The following SLC35A3 variants were observed in gnomAD, a reference collection of about 807,000 sequenced individuals.
SLC35A3 encodes UDP-N-acetylglucosamine transporter.
A neutral mutation model predicts 39.0 loss-of-function variants in SLC35A3; 26 were observed. The observed-to-expected ratio is 0.67, with a 90% CI of 0.49 to 0.92. SLC35A3 has a LOEUF of 0.92. Among genes scored for constraint, SLC35A3 ranks in the 40% least tolerant of loss-of-function variants. The pLI, the probability that SLC35A3 is intolerant of heterozygous loss-of-function variation, is 0.00. For synonymous variants in SLC35A3, 135 were observed against 133.1 expected (o/e 1.01, Z -0.10); for missense variants, 299 against 371.6 (o/e 0.80, Z 1.61).
At chr1:99,986,265 A>G (rs1028678307) in intron 1 of SLC35A3, among the ~76,000 whole-genome samples, 1 of 151,082 alleles carries the variant, frequency 6.6e-6, no homozygotes, top group East Asian at 2.0e-4. Flanking sequence ...CCCGAGCTCA[A>G]GTGATCCTCT....
chr1:99,970,460 G>A, intron 1 of SLC35A3: 1 of 976,408 alleles, frequency 1.0e-6, no homozygotes, highest in South Asian at 1.4e-5. Context: ...GGCAGTGTGT[G>A]CCTCAGCGCC....
At chr1:100,008,698 C>T (rs1218786729) in intron 4 of SLC35A3, 1 of 152,238 alleles carries the variant, frequency 6.6e-6, no homozygotes, top group African/African-American at 2.4e-5. Flanking sequence ...TAAGACTCAG[C>T]TCAGTCTTAA....
chr1:100,003,416 C>CAAAAAAAA (rs34020224), intron 3 of SLC35A3, among the ~76,000 whole-genome samples: 1 of 57,162 alleles, frequency 1.7e-5, no homozygotes, highest in Non-Finnish European at 3.4e-5. Flanking sequence ...AACTCCATCT[C>CAAAAAAAA]AAAAAAAAAA....
At position 100,027,005 on chromosome 1, in the gene SLC35A3, C is replaced by G. The variant is rs188657073; in HGVS notation, c.*4529C>G. 58 of 393,026 alleles carry G rather than the reference C, an allele frequency of 1.5e-4. 1 individual carries two copies. In the South Asian group the frequency reaches 5.2e-3, roughly 35 times the overall value. The allele number at this position is 393,026 out of a possible 1,614,324, so 24.3% of individuals were successfully genotyped here. On this transcript the variant is annotated 3_prime_UTR_variant, in exon 8 of 8. Transcript: ENST00000533028. ...TCTTTTTCTATATTTCCTTATTTTCCTATTTACCTGTGTCTATGACCTAAC... is the reference window on the plus strand; with the variant it reads ...TCTTTTTCTATATTTCCTTATTTTCGTATTTACCTGTGTCTATGACCTAAC...
chr1:99,983,963 A>G (rs1380435135), intron 1 of SLC35A3, among the ~76,000 whole-genome samples: 6 of 152,130 alleles, frequency 3.9e-5, no homozygotes. Flanking sequence ...ATTATTTTAC[A>G]TTTCAAAATA....
At chr1:99,988,496 AC>A (rs1298785928) in intron 1 of SLC35A3, among the ~76,000 whole-genome samples, 2 of 152,170 alleles carry the variant, frequency 1.3e-5, no homozygotes, top group Admixed American at 1.3e-4. Context: ...ATATTCATGT[AC>A]AAATATTGTT....
Position 100,031,947 on chromosome 1 carries a change from C to G in SLC35A3, c.*9471C>G, listed in dbSNP as rs1203815031. ...TTGAAGGACCAAAGTTACTTTGCTC[C>G]TATTATGTGGTTTGATTTGTTCCCT... On this transcript the variant is annotated 3_prime_UTR_variant, in exon 8 of 8. Transcript: ENST00000533028. 1 of 152,102 alleles carries G rather than the reference C, an allele frequency of 6.6e-6. No homozygotes were observed. Among genetic ancestry groups the G allele is most frequent in the African/African-American group, 2.4e-5 (1 of 41,404 alleles). 9.4% of individuals were successfully genotyped at this position (152,102 alleles called of 1,614,324 possible). A position where few individuals can be genotyped will look rare whatever the true frequency, so the allele number is the denominator to read the frequency against.
intron 5 of SLC35A3, among the ~76,000 whole-genome samples, chr1:100,012,830 A>G (rs2101388644): frequency 6.6e-6 from 1 of 152,302 alleles, no homozygotes; most frequent in East Asian, 1.9e-4. Flanking sequence ...GAAAACATTT[A>G]GAGGGCTGGT....
chr1:99,999,385 A>G lies in SLC35A3; in HGVS notation c.312A>G (p.Ala104=), dbSNP rs762222250. The change falls in exon 3 of 8, where the codon GCA becomes GCG. Residue 104 remains alanine (A), a synonymous_variant. Coordinates refer to ENST00000533028, the MANE Select transcript of SLC35A3 (RefSeq NM_012243.3). ...TTCAGAATAATTTACTGTATGTGGC[A>G]CTATCAAATCTAGATGCAGCTACTT... ...YTLQNNLLYV[A]LSNLDAATYQ... 1.0e-5 allele frequency: 16 copies of G among 1,589,522 alleles called. No homozygotes were observed. The highest frequency in any genetic ancestry group is 1.4e-5 in the Non-Finnish European group (16 of 1,172,032).
chr1:99,976,221 C>T (rs2101028467), intron 1 of SLC35A3, among the ~76,000 whole-genome samples: 1 of 152,238 alleles, frequency 6.6e-6, no homozygotes, highest in Non-Finnish European at 1.5e-5. Flanking sequence ...AAATGTAGAA[C>T]AAACATAATT....
chr1:100,022,621 C>T lies in SLC35A3; in HGVS notation c.*145C>T, dbSNP rs482466. ...GTTTTTTAAAAGTTTAAGGATAAGA[C>T]ATGTGTATATGTAACAAAACACATT... On this transcript the variant is annotated 3_prime_UTR_variant, in exon 8 of 8. Transcript: ENST00000533028. 0.19 allele frequency: 84,284 copies of T among 455,002 alleles called. 11,698 individuals carry two copies. Among genetic ancestry groups the T allele is most frequent in the African/African-American group, 0.54 (26,857 of 49,450 alleles). The allele number at this position is 455,002 out of a possible 1,614,324, so 28.2% of individuals were successfully genotyped here. A position where few individuals can be genotyped will look rare whatever the true frequency, so the allele number is the denominator to read the frequency against.
Position 100,030,989 on chromosome 1 carries a change from A to T in SLC35A3, c.*8513A>T, listed in dbSNP as rs1203126871. 1 of 152,050 alleles carries T rather than the reference A, an allele frequency of 6.6e-6. No homozygotes were observed. Among genetic ancestry groups the T allele is most frequent in the East Asian group, 1.9e-4 (1 of 5,188 alleles). 9.4% of individuals were successfully genotyped at this position (152,050 alleles called of 1,614,324 possible). ...TTGCTATGAATTCTAGAATTTTAAAACCTGCCACACTTATTTTGGATGTTA... is the reference window on the plus strand; with the variant it reads ...TTGCTATGAATTCTAGAATTTTAAATCCTGCCACACTTATTTTGGATGTTA... On this transcript the variant is annotated 3_prime_UTR_variant, in exon 8 of 8. Transcript: ENST00000533028.
At chr1:99,994,386 A>G (rs1179009109) in intron 2 of SLC35A3, among the ~76,000 whole-genome samples, 1 of 145,468 alleles carries the variant, frequency 6.9e-6, no homozygotes, top group African/African-American at 2.6e-5. Flanking sequence ...TTTTTAATCT[A>G]AATTTTATCT....
chr1:99,993,771 A>G, intron 2 of SLC35A3, 30 bp downstream of exon 2: 1 of 1,589,210 alleles, frequency 6.3e-7, no homozygotes. Context: ...GTTTTTAATC[A>G]ATGCAATTTA....
intron 2 of SLC35A3, among the ~76,000 whole-genome samples, chr1:99,998,862 C>G (rs1001163790): frequency 6.6e-6 from 1 of 152,092 alleles, no homozygotes; most frequent in African/African-American, 2.4e-5. Flanking sequence ...TTCACAATTA[C>G]TAATTGGCAT....
intron 1 of SLC35A3, among the ~76,000 whole-genome samples, chr1:99,980,051 C>CTCTA (rs1553198922): frequency 6.6e-6 from 1 of 151,200 alleles, no homozygotes; most frequent in African/African-American, 2.4e-5. Flanking sequence ...CTCTCTCTCT[C>CTCTA]TATATATATG....
chr1:99,992,642 C>G (rs916967643), intron 1 of SLC35A3, among the ~76,000 whole-genome samples: 3 of 152,120 alleles, frequency 2.0e-5, no homozygotes, highest in Non-Finnish European at 4.4e-5. Flanking sequence ...TTTAAGATAG[C>G]TTGCTTGAAA....
rs1656714759 is a variant in SLC35A3 at position 99,970,153 on chromosome 1, T to G, written c.-28T>G. 6.2e-6 allele frequency: 1 copy of G among 160,688 alleles called. No homozygotes were observed. The highest frequency in any genetic ancestry group is 1.8e-4 in the South Asian group (1 of 5,464). The allele number at this position is 160,688 out of a possible 1,614,324, so 10.0% of individuals were successfully genotyped here. A position where few individuals can be genotyped will look rare whatever the true frequency, so the allele number is the denominator to read the frequency against. ...CGGTGGTGGGCTCAGCCGGTCGAGC[T>G]GCGCGGGAGGTGAGTCCTCAGCGCA... On this transcript the variant is annotated 5_prime_UTR_variant, in exon 1 of 8. Coordinates refer to ENST00000533028, the MANE Select transcript of SLC35A3 (RefSeq NM_012243.3).
intron 4 of SLC35A3, chr1:100,008,091 A>T (rs1659372211): frequency 6.6e-6 from 1 of 151,516 alleles, no homozygotes; most frequent in South Asian, 2.1e-4. Flanking sequence ...AGCTGGGATT[A>T]CAGGTGCCTG....
Sources: allele counts gnomAD v4.1 joint callset (sites outside exome capture counted in the v4.1 genomes callset), GRCh38; gene constraint gnomAD v4.1.1; transcripts MANE v1.5; gene names NCBI Gene and HGNC (gene_info 2026-07-23, HGNC 2026-07-21).